TENM3: variants seen among roughly 807,000 people sequenced by gnomAD.
The protein encoded by TENM3 is teneurin-3.
TENM3 carries 63 observed loss-of-function variants against 255.1 expected under a neutral mutation model. That is an observed-to-expected ratio of 0.25 (90% CI 0.20 to 0.30). The LOEUF is 0.30. TENM3 is among the 10% of genes least tolerant of loss of function. The pLI, the probability that TENM3 is intolerant of heterozygous loss-of-function variation, is 1.00. For synonymous variants in TENM3, 1,306 were observed against 1,322.3 expected (o/e 0.99, Z 0.27); for missense variants, 2,929 against 3,461.1 (o/e 0.85, Z 3.86).
intron 4 of TENM3, among the ~76,000 whole-genome samples, chr4:182,627,058 C>T (rs989305592): frequency 1.3e-5 from 2 of 152,174 alleles, no homozygotes; most frequent in South Asian, 2.1e-4. Context: ...TTTACCGTAT[C>T]TGTAGACCAG....
At chr4:182,415,837 G>A (rs576920651) in intron 3 of TENM3, among the ~76,000 whole-genome samples, 15 of 152,192 alleles carry the variant, frequency 9.9e-5, no homozygotes, top group Non-Finnish European at 1.6e-4. Flanking sequence ...GACCTGTTAC[G>A]TTTCTGCTTT....
At chr4:182,063,709 G>A in the TENM3 span, among the ~76,000 whole-genome samples, 2 of 152,172 alleles carry the variant, frequency 1.3e-5, no homozygotes, top group South Asian at 4.1e-4. Context: ...GCTAGACAGG[G>A]TCAGAGATAC....
chr4:182,767,196 C>T (rs1228446349), intron 22 of TENM3, among the ~76,000 whole-genome samples: 1 of 152,162 alleles, frequency 6.6e-6, no homozygotes, highest in East Asian at 1.9e-4. Flanking sequence ...ACCATAGGTT[C>T]CTTCTCAGAA....
intron 1 of TENM3, among the ~76,000 whole-genome samples, chr4:182,192,137 C>A (rs185933860): frequency 3.9e-5 from 6 of 152,234 alleles, no homozygotes; most frequent in Non-Finnish European, 8.8e-5. Context: ...CACAAAGAGT[C>A]TGATTGGAAC....
At chr4:182,543,241 G>T (rs1046658864) in intron 3 of TENM3, among the ~76,000 whole-genome samples, 23 of 152,136 alleles carry the variant, frequency 1.5e-4, no homozygotes, top group Non-Finnish European at 2.5e-4. Context: ...ATGGATGGAG[G>T]GAAGGGAGGG....
At chr4:181,725,359 T>C in the TENM3 span, among the ~76,000 whole-genome samples, 1 of 152,050 alleles carries the variant, frequency 6.6e-6, no homozygotes, top group East Asian at 1.9e-4. Context: ...GAATTTTACA[T>C]ACATTGTTAC....
At chr4:182,303,221 T>A (rs1761947056) in intron 1 of TENM3, among the ~76,000 whole-genome samples, 1 of 152,220 alleles carries the variant, frequency 6.6e-6, no homozygotes, top group Non-Finnish European at 1.5e-5. Context: ...ATGCTTTTTA[T>A]CATCACTTAG....
intron 1 of TENM3, among the ~76,000 whole-genome samples, chr4:182,176,953 G>A (rs1752532792): frequency 6.6e-6 from 1 of 151,398 alleles, no homozygotes; most frequent in Admixed American, 6.6e-5. Flanking sequence ...GGAATTACAG[G>A]CATGAGCCAC....
the TENM3 span, among the ~76,000 whole-genome samples, chr4:181,775,504 C>T: frequency 2.0e-5 from 3 of 152,038 alleles, no homozygotes; most frequent in East Asian, 1.9e-4. Context: ...GAATTAGTCA[C>T]GTGATGAATT....
At chr4:181,890,989 G>GACT in the TENM3 span, among the ~76,000 whole-genome samples, 1 of 152,058 alleles carries the variant, frequency 6.6e-6, no homozygotes, top group African/African-American at 2.4e-5. Flanking sequence ...TAATAGTATT[G>GACT]ACTACAATCT....
chr4:182,359,811 T>A (rs1358015433), intron 3 of TENM3, among the ~76,000 whole-genome samples: 1 of 152,056 alleles, frequency 6.6e-6, no homozygotes, highest in Non-Finnish European at 1.5e-5. Context: ...AATTGTGATG[T>A]TAGGGTGTCG....
the TENM3 span, among the ~76,000 whole-genome samples, chr4:181,525,396 C>CAAAAAAAAAAAAAAAAAAA: frequency 6.6e-4 from 64 of 97,288 alleles, no homozygotes; most frequent in African/African-American, 1.8e-3. Context: ...GACCCTGTTT[C>CAAAAAAAAAAAAAAAAAAA]AAAAAAAAAA....
the TENM3 span, chr4:181,976,500 T>C: frequency 6.6e-6 from 1 of 152,092 alleles, no homozygotes; most frequent in African/African-American, 2.4e-5. Context: ...TACTAGGGGG[T>C]AGGACTTCAG....
intron 1 of TENM3, among the ~76,000 whole-genome samples, chr4:182,316,681 G>T (rs1024770058): frequency 6.7e-6 from 1 of 149,030 alleles, no homozygotes; most frequent in Non-Finnish European, 1.5e-5. Context: ...CATTCTTTCT[G>T]TGCCCTCCAG....
intron 3 of TENM3, among the ~76,000 whole-genome samples, chr4:182,508,962 T>C (rs964134188): frequency 6.6e-6 from 1 of 152,222 alleles, no homozygotes; most frequent in Admixed American, 6.5e-5. Context: ...TGTGGCAGTA[T>C]GAAGTAAGAG....
At chr4:181,738,696 G>T in the TENM3 span, among the ~76,000 whole-genome samples, 608 of 151,516 alleles carry the variant, frequency 4.0e-3, 5 homozygotes, top group African/African-American at 0.014. Flanking sequence ...ACTTGTTTTC[G>T]TTCTCCCAAG....
intron 3 of TENM3, among the ~76,000 whole-genome samples, chr4:182,385,081 A>G (rs1767820233): frequency 6.6e-6 from 1 of 152,070 alleles, no homozygotes; most frequent in Non-Finnish European, 1.5e-5. Flanking sequence ...GTCCCCCAGC[A>G]TTGTTGTAAG....
chr4:181,463,546 G>T, the TENM3 span, among the ~76,000 whole-genome samples: 4 of 151,992 alleles, frequency 2.6e-5, no homozygotes, highest in Non-Finnish European at 5.9e-5. Context: ...AAAATAGTAG[G>T]CATTCAATAA....
chr4:181,506,541 G>A, the TENM3 span, among the ~76,000 whole-genome samples: 1 of 152,010 alleles, frequency 6.6e-6, no homozygotes, highest in Non-Finnish European at 1.5e-5. Context: ...AAGGGATGGG[G>A]AAAACCGAGA....
Sources: gnomAD v4.1 joint callset for allele counts (sites outside exome capture counted in the v4.1 genomes callset) on GRCh38, gnomAD v4.1.1 for gene constraint, MANE v1.5 for transcripts, NCBI Gene and HGNC (gene_info 2026-07-23, HGNC 2026-07-21) for gene names.